The following RAB28 variants were observed in gnomAD, a reference collection of about 807,000 sequenced individuals.
RAB28 encodes ras-related protein Rab-28.
RAB28 carries 24 observed loss-of-function variants against 31.7 expected under a neutral mutation model. The ratio of observed to expected loss-of-function variants is 0.76; its 90% confidence interval spans 0.55 to 1.06. The LOEUF (loss-of-function observed/expected upper bound fraction) is 1.06, where lower values mean the gene tolerates loss of function less well. RAB28 is among the 50% of genes least tolerant of loss of function. RAB28 has a pLI of 0.00. For synonymous variants in RAB28, 100 were observed against 90.4 expected (o/e 1.11, Z -0.60); for missense variants, 254 against 258.5 (o/e 0.98, Z 0.12).
In RAB28 at chr4:13,369,754, C is replaced by T. The variant is rs11930851; in HGVS notation, c.574-1104G>A. ...CAAGACGTAGACGTGATATTAACTT[C>T]CAATAATGTACAATAATCATCTGAA... On this transcript the variant is annotated intron_variant, in intron 6 of 6. Transcript: ENST00000330852. The T allele has an allele frequency of 4.0e-3, 4,071 of 1,010,452 alleles. 126 individuals carry two copies. The African/African-American group carries it at 0.06, about 15-fold the overall frequency. The allele number at this position is 1,010,452 out of a possible 1,614,324, so 62.6% of individuals were successfully genotyped here.
At chr4:13,464,224 C>G (rs1357906830) in intron 3 of RAB28, among the ~76,000 whole-genome samples, 2 of 152,054 alleles carry the variant, frequency 1.3e-5, no homozygotes, top group Non-Finnish European at 2.9e-5. Context: ...CCAGATATCC[C>G]ACCAGATTAT....
chr4:13,388,476 C>T (rs1242910075), intron 4 of RAB28, among the ~76,000 whole-genome samples: 1 of 151,954 alleles, frequency 6.6e-6, no homozygotes, highest in Non-Finnish European at 1.5e-5. Context: ...ATTTCTTGGA[C>T]ATGACACCGA....
At chr4:13,427,791 G>A (rs1713590384) in intron 4 of RAB28, among the ~76,000 whole-genome samples, 2 of 152,174 alleles carry the variant, frequency 1.3e-5, no homozygotes, top group African/African-American at 4.8e-5. Context: ...GTGGAGAACA[G>A]AGAAGAGTAA....
At chr4:13,417,362 T>C (rs1183498416) in intron 4 of RAB28, among the ~76,000 whole-genome samples, 8 of 152,320 alleles carry the variant, frequency 5.3e-5, no homozygotes, top group Non-Finnish European at 1.0e-4. Context: ...TAAAGGTCCC[T>C]GTCTGACAGC....
At chr4:13,442,673 G>A (rs1204842832) in intron 4 of RAB28, among the ~76,000 whole-genome samples, 1 of 152,026 alleles carries the variant, frequency 6.6e-6, no homozygotes, top group African/African-American at 2.4e-5. Flanking sequence ...TTACCCATAA[G>A]AGAAGACAGG....
chr4:13,413,566 G>T (rs1712569561), intron 4 of RAB28, among the ~76,000 whole-genome samples: 1 of 151,896 alleles, frequency 6.6e-6, no homozygotes, highest in South Asian at 2.1e-4. Context: ...TTTTAAGAGA[G>T]AAAATGAACC....
At chr4:13,418,013 T>C (rs1178991532) in intron 4 of RAB28, among the ~76,000 whole-genome samples, 2 of 152,238 alleles carry the variant, frequency 1.3e-5, no homozygotes, top group Non-Finnish European at 2.9e-5. Context: ...AAAAAGATTA[T>C]AGACGAATGG....
intron 4 of RAB28, among the ~76,000 whole-genome samples, chr4:13,418,045 G>C (rs969301857): frequency 3.3e-5 from 5 of 152,178 alleles, no homozygotes; most frequent in Non-Finnish European, 7.3e-5. Context: ...AAACAGTGTT[G>C]AGAAGACCTT....
At chr4:13,421,215 T>C (rs1424420840) in intron 4 of RAB28, among the ~76,000 whole-genome samples, 3 of 152,194 alleles carry the variant, frequency 2.0e-5, no homozygotes, top group Non-Finnish European at 4.4e-5. Flanking sequence ...GAAGGACTTC[T>C]TCAAGGAGAA....
At chr4:13,475,217 T>C (rs1484228423) in intron 2 of RAB28, among the ~76,000 whole-genome samples, 1 of 151,604 alleles carries the variant, frequency 6.6e-6, no homozygotes, top group East Asian at 1.9e-4. Context: ...TTATAAAATA[T>C]TTGGTTGATA....
intron 6 of RAB28, chr4:13,370,038 G>A: frequency 6.5e-7 from 1 of 1,539,896 alleles, no homozygotes; most frequent in Non-Finnish European, 8.7e-7. Flanking sequence ...TGGAAAGTAT[G>A]TTCAATGACT....
chr4:13,468,689 G>A lies in RAB28; in HGVS notation c.261+5629C>T, dbSNP rs372781731. Reference sequence around the variant, plus strand: ...AAGAAGAGTAATTTCAGTCAAAAGCGAGTAGAAGAAAGTAATTAAAAATTA... The same window carrying A: ...AAGAAGAGTAATTTCAGTCAAAAGCAAGTAGAAGAAAGTAATTAAAAATTA... On this transcript the variant is annotated intron_variant, in intron 3 of 6. Coordinates refer to ENST00000330852, the MANE Select transcript of RAB28 (RefSeq NM_001017979.3). Among the ~76,000 whole-genome samples the A allele has an allele frequency of 8.7e-4, 131 of 151,188 alleles. No homozygotes were observed. The South Asian group carries it at 0.014, about 16-fold the overall frequency.
chr4:13,405,265 T>C (rs1324503474), intron 4 of RAB28, among the ~76,000 whole-genome samples: 1 of 152,202 alleles, frequency 6.6e-6, no homozygotes, highest in Non-Finnish European at 1.5e-5. Context: ...GAAACACATA[T>C]AGCACATTGT....
intron 3 of RAB28, among the ~76,000 whole-genome samples, chr4:13,464,887 A>G (rs1715769052): frequency 6.6e-6 from 1 of 152,126 alleles, no homozygotes; most frequent in South Asian, 2.1e-4. Flanking sequence ...ATTTTAAGTA[A>G]CTATGACTAA....
chr4:13,424,432 C>A (rs1055933154), intron 4 of RAB28, among the ~76,000 whole-genome samples: 14 of 152,146 alleles, frequency 9.2e-5, no homozygotes, highest in African/African-American at 3.4e-4. Context: ...TGGGTCTCAG[C>A]CAAAATGTCT....
chr4:13,457,613 G>GA (rs569696878), intron 4 of RAB28, among the ~76,000 whole-genome samples: 12,784 of 141,196 alleles, frequency 0.091, 968 homozygotes, highest in African/African-American at 0.22. Context: ...AAAGAAAAAA[G>GA]AAAAAAAAAA....
rs879543039 is a variant in RAB28, at chr4:13,375,802, G to C, written c.573+743C>G. On this transcript the variant is annotated intron_variant, in intron 6 of 6. Coordinates refer to ENST00000330852, the MANE Select transcript of RAB28 (RefSeq NM_001017979.3). ...ACACACACACACACACACAGAGAGAGAGAGAGACCATGAGAAAAAGATACA... is the reference window on the plus strand; with the variant it reads ...ACACACACACACACACACAGAGAGACAGAGAGACCATGAGAAAAAGATACA... Among the ~76,000 whole-genome samples, 969 of 141,996 alleles carry C rather than the reference G, an allele frequency of 6.8e-3. 12 individuals are homozygous for C. Among genetic ancestry groups the C allele is most frequent in the African/African-American group, 0.026 (916 of 35,770 alleles). 93.2% of individuals were successfully genotyped at this position (141,996 alleles called of 152,430 possible).
intron 4 of RAB28, among the ~76,000 whole-genome samples, chr4:13,419,282 C>T (rs529585610): frequency 6.6e-6 from 1 of 152,246 alleles, no homozygotes; most frequent in Admixed American, 6.5e-5. Context: ...GAGACTTAGA[C>T]TACCACACAA....
chr4:13,452,358 AT>A (rs1214754725), intron 4 of RAB28, among the ~76,000 whole-genome samples: 7 of 151,512 alleles, frequency 4.6e-5, no homozygotes, highest in African/African-American at 1.7e-4. Flanking sequence ...CTTGAGATTC[AT>A]TGCAGTTTAT....
Sources: allele counts gnomAD v4.1 joint callset (sites outside exome capture counted in the v4.1 genomes callset), GRCh38; gene constraint gnomAD v4.1.1; transcripts MANE v1.5; gene names NCBI Gene and HGNC (gene_info 2026-07-23, HGNC 2026-07-21).